VHL: variants seen among roughly 807,000 people sequenced by gnomAD.
VHL encodes von Hippel-Lindau disease tumor suppressor.
A neutral mutation model predicts 19.2 loss-of-function variants in VHL; 10 were observed. That is an observed-to-expected ratio of 0.52 (90% CI 0.32 to 0.89). The LOEUF (loss-of-function observed/expected upper bound fraction) is 0.89. VHL is among the 40% of genes least tolerant of loss of function. The probability of loss-of-function intolerance (pLI) is 0.03; values close to 1 mark genes in which losing one functional copy is unlikely to be tolerated. For missense variants in VHL, 328 were observed against 292.7 expected (o/e 1.12, Z -0.88); for synonymous variants, 167 against 129.5 (o/e 1.29, Z -1.97).
chr3:10,145,418 A>T (rs1294860742), intron 1 of VHL, among the ~76,000 whole-genome samples: 1 of 151,968 alleles, frequency 6.6e-6, no homozygotes, highest in Non-Finnish European at 1.5e-5. Context: ...CATTTTGAAA[A>T]TTCTGGGCCA....
In VHL at chr3:10,150,065, G is replaced by T. The variant is rs1696371968; in HGVS notation, c.*100G>T. ...CTGGTTCCTTCCTTAGTTTCAAAGT[G>T]TCTCATTCTCAGAGTAAAATAGGCA... On this transcript the variant is annotated 3_prime_UTR_variant, in exon 3 of 3. Transcript: ENST00000256474. 1.9e-6 allele frequency: 3 copies of T among 1,548,138 alleles called. No individual in the cohort carries two copies. Among genetic ancestry groups the T allele is most frequent in the South Asian group, 2.4e-5 (2 of 83,442 alleles).
intron 2 of VHL, among the ~76,000 whole-genome samples, chr3:10,147,013 AT>A (rs950731279): frequency 1.2e-4 from 18 of 151,886 alleles, no homozygotes; most frequent in African/African-American, 4.4e-4. Context: ...CTGACTTCTA[AT>A]TTTTTTTATT....
chr3:10,149,777 G>A lies in VHL; in HGVS notation c.464-10G>A, dbSNP rs552930903. ...GTCTGCCACTGAGGATTTGGTTTTT[G>A]CCCTTCCAGTGTATACTCTGAAAGA... On this transcript the variant is annotated splice_polypyrimidine_tract_variant and intron_variant, in intron 2 of 2. Transcript: ENST00000256474. 1.1e-4 allele frequency: 175 copies of A among 1,613,432 alleles called. No homozygotes were observed. The highest frequency in any genetic ancestry group is 1.4e-4 in the Non-Finnish European group (169 of 1,179,874).
At position 10,153,017 on chromosome 3, in the gene VHL, C is replaced by A. The variant is rs1384224425; in HGVS notation, c.*3052C>A. On this transcript the variant is annotated 3_prime_UTR_variant, in exon 3 of 3. Coordinates refer to ENST00000256474, the MANE Select transcript of VHL (RefSeq NM_000551.4). ...AATTGCCGGCCGCGGCGGCTCATGC[C>A]TGTAATCCCAGCACTTTGGGAGGCC... Among the ~76,000 whole-genome samples, 1 of 152,036 alleles carries A rather than the reference C, an allele frequency of 6.6e-6. No homozygotes were observed. The highest frequency in any genetic ancestry group is 2.4e-5 in the African/African-American group (1 of 41,436).
At position 10,150,273 on chromosome 3, in the gene VHL, G is replaced by T. The variant is rs1160914214; in HGVS notation, c.*308G>T. On this transcript the variant is annotated 3_prime_UTR_variant, in exon 3 of 3. Coordinates refer to ENST00000256474, the MANE Select transcript of VHL (RefSeq NM_000551.4). ...TAAGGAGGTTTGTATAAGTAATTCA[G>T]TGGGAATTGCAGCATATCGTTTAAT... is the stretch of plus-strand genomic sequence containing the variant. 9 of 1,292,044 alleles carry T rather than the reference G, an allele frequency of 7.0e-6. No homozygotes were observed. Among genetic ancestry groups the T allele is most frequent in the African/African-American group, 1.5e-5 (1 of 67,174 alleles). The allele number at this position is 1,292,044 out of a possible 1,614,324, so 80.0% of individuals were successfully genotyped here.
In VHL at chr3:10,142,341, C is replaced by CTTTTTTT. The variant is rs556405301; in HGVS notation, c.340+168_340+174dup. Among the ~76,000 whole-genome samples the CTTTTTTT allele has an allele frequency of 1.2e-3, 131 of 107,848 alleles. 1 individual carries two copies. Among genetic ancestry groups the CTTTTTTT allele is most frequent in the Middle Eastern group, 6.6e-3 (1 of 152 alleles). 70.8% of individuals were successfully genotyped at this position (107,848 alleles called of 152,430 possible). ...CGCTGCTCGTAAGCGTCAGAGCATT[C>CTTTTTTT]TTTTTTTTTTTTTTTTTTTTCTGAG... On this transcript the variant is annotated intron_variant, in intron 1 of 2. Coordinates refer to ENST00000256474, the MANE Select transcript of VHL (RefSeq NM_000551.4).
Position 10,153,609 on chromosome 3 carries a change from T to G in VHL, c.*3644T>G, listed in dbSNP as rs201715425. Among the ~76,000 whole-genome samples the G allele has an allele frequency of 8.7e-5, 13 of 149,660 alleles. No individual in the cohort carries two copies. The highest frequency in any genetic ancestry group is 2.3e-4 in the African/African-American group (9 of 39,764). ...TGAAGTTCCTATTTCAAGTTTTTTT[T>G]TTTTTTTTTTTTTTTAAAGCTGTTT... is the stretch of plus-strand genomic sequence containing the variant. On this transcript the variant is annotated 3_prime_UTR_variant, in exon 3 of 3. Coordinates refer to ENST00000256474, the MANE Select transcript of VHL (RefSeq NM_000551.4).
chr3:10,153,425 A>G lies in VHL; in HGVS notation c.*3460A>G, dbSNP rs1696467489. On this transcript the variant is annotated 3_prime_UTR_variant, in exon 3 of 3. Coordinates refer to ENST00000256474, the MANE Select transcript of VHL (RefSeq NM_000551.4). ...GCCTGGGCAACAAGAGTGAAATTCC[A>G]TCTCAAAAAGAAACCAAAAAAACAA... Among the ~76,000 whole-genome samples the G allele has an allele frequency of 6.7e-6, 1 of 150,276 alleles. No homozygotes were observed. Among genetic ancestry groups the G allele is most frequent in the South Asian group, 2.1e-4 (1 of 4,812 alleles).
chr3:10,145,064 C>T (rs1030875363), intron 1 of VHL, among the ~76,000 whole-genome samples: 2 of 152,068 alleles, frequency 1.3e-5, no homozygotes, highest in Admixed American at 1.3e-4. Context: ...TGGTGGCATG[C>T]GCCTGTTTAG....
At position 10,153,040 on chromosome 3, in the gene VHL, G is replaced by T. The variant is rs948755258; in HGVS notation, c.*3075G>T. On this transcript the variant is annotated 3_prime_UTR_variant, in exon 3 of 3. Coordinates refer to ENST00000256474, the MANE Select transcript of VHL (RefSeq NM_000551.4). ...GCCTGTAATCCCAGCACTTTGGGAG[G>T]CCTAGGCGGGTGGATCACGAGGTCA... 6.6e-6 allele frequency among the ~76,000 whole-genome samples: 1 copy of T among 151,960 alleles called. No homozygotes were observed. Among genetic ancestry groups the T allele is most frequent in the Non-Finnish European group, 1.5e-5 (1 of 67,980 alleles).
Position 10,142,025 on chromosome 3 carries a change from C to G in VHL, c.178C>G (p.Arg60Gly), listed in dbSNP as rs1035077469. The change falls in exon 1 of 3, where the codon CGG becomes GGG. Residue 60 changes from arginine to glycine, a missense_variant. By Grantham distance (125) the Arg-to-Gly change is moderately radical (BLOSUM62 -2). Coordinates refer to ENST00000256474, the MANE Select transcript of VHL (RefSeq NM_000551.4). ...AEEEMEAGRP[R>G]PVLRSVNSRE... ...GGAGGAGATGGAGGCCGGGCGGCCG[C>G]GGCCCGTGCTGCGCTCGGTGAACTC... 9.4e-6 allele frequency: 15 copies of G among 1,595,554 alleles called. No homozygotes were observed. The highest frequency in any genetic ancestry group is 1.3e-5 in the Non-Finnish European group (15 of 1,172,920).
At chr3:10,146,472 C>T (rs2125128134) in intron 1 of VHL, 42 bp from the exon 2 acceptor site, 1 of 1,610,990 alleles carries the variant, frequency 6.2e-7, no homozygotes. Flanking sequence ...CCGTGCCCAG[C>T]CACCGGTGTG....
chr3:10,148,169 T>G (rs1413538531), intron 2 of VHL, among the ~76,000 whole-genome samples: 1 of 151,998 alleles, frequency 6.6e-6, no homozygotes, highest in African/African-American at 2.4e-5. Flanking sequence ...TATGTGTGTA[T>G]AGATCCTGTT....
rs1343708036 is a variant in VHL, at chr3:10,151,879, C to T, written c.*1914C>T. Reference sequence around the variant, plus strand: ...CAGAACTTCAAGATGAGCCTGGGCTCATAGTGAGAACCCATCTATACAAAA... The same window carrying T: ...CAGAACTTCAAGATGAGCCTGGGCTTATAGTGAGAACCCATCTATACAAAA... On this transcript the variant is annotated 3_prime_UTR_variant, in exon 3 of 3. Coordinates refer to ENST00000256474, the MANE Select transcript of VHL (RefSeq NM_000551.4). The T allele has an allele frequency of 2.7e-5, 5 of 187,736 alleles. No homozygotes were observed. Among genetic ancestry groups the T allele is most frequent in the African/African-American group, 7.1e-5 (3 of 42,536 alleles). 11.6% of individuals were successfully genotyped at this position (187,736 alleles called of 1,614,324 possible).
chr3:10,150,740 C>T lies in VHL; in HGVS notation c.*775C>T, dbSNP rs1358699067. The T allele has an allele frequency of 8.6e-6, 2 of 233,096 alleles. No homozygotes were observed. Among genetic ancestry groups the T allele is most frequent in the East Asian group, 6.0e-5 (1 of 16,570 alleles). 14.4% of individuals were successfully genotyped at this position (233,096 alleles called of 1,614,324 possible). On this transcript the variant is annotated 3_prime_UTR_variant, in exon 3 of 3. Transcript: ENST00000256474. ...AGTTGTGATAATAGCATTTTTGTAA[C>T]TTGCCATCCGCACAGAAAATACGAG...
Position 10,146,508 on chromosome 3 carries a change from CG to C in VHL, c.341-5del, listed in dbSNP as rs2125128198. The C allele has an allele frequency of 6.2e-7, 1 of 1,613,434 alleles. No individual in the cohort carries two copies. The highest frequency in any genetic ancestry group is 1.3e-5 in the African/African-American group (1 of 75,004). On this transcript the variant is annotated splice_polypyrimidine_tract_variant and splice_region_variant and intron_variant, in intron 1 of 2. Coordinates refer to ENST00000256474, the MANE Select transcript of VHL (RefSeq NM_000551.4). ...GCTCTTTAACAACCTTTGCTTGTCCCGATAGGTCACCTTTGGCTCTTCAGAG... is the reference window on the plus strand; with the variant it reads ...GCTCTTTAACAACCTTTGCTTGTCCCATAGGTCACCTTTGGCTCTTCAGAG...
rs1017141110 is a variant in VHL, at chr3:10,141,874, C to G, written c.27C>G (p.Asp9Glu). MPRRAENW[D>E]EAEVGAEEAG... ...TGCCCCGGAGGGCGGAGAACTGGGA[C>G]GAGGCCGAGGTAGGCGCGGAGGAGG... The change falls in exon 1 of 3, where the codon GAC (aspartate) becomes GAG (glutamate). Residue 9 changes from aspartate (D) to glutamate (E), a missense_variant. Coordinates refer to ENST00000256474, the MANE Select transcript of VHL (RefSeq NM_000551.4). 6.5e-7 allele frequency: 1 copy of G among 1,533,966 alleles called. No individual in the cohort carries two copies. The highest frequency in any genetic ancestry group is 2.0e-5 in the Admixed American group (1 of 49,324).
intron 2 of VHL, among the ~76,000 whole-genome samples, chr3:10,148,641 G>T (rs1696324007): frequency 6.8e-6 from 1 of 146,752 alleles, no homozygotes; most frequent in Admixed American, 6.9e-5. Context: ...CATTGTTTTG[G>T]TTATGTGTTT....
At position 10,149,833 on chromosome 3, in the gene VHL, C is replaced by G. The variant is rs765224880; in HGVS notation, c.510C>G (p.Val170=). Residue 170 remains valine, a synonymous_variant, in exon 3 of 3, where the codon GTC becomes GTG. Coordinates refer to ENST00000256474, the MANE Select transcript of VHL (RefSeq NM_000551.4). The part of the protein sequence containing the change: ...ERCLQVVRSL[V]KPENYRRLDI... ...GCCTCCAGGTTGTCCGGAGCCTAGT[C>G]AAGCCTGAGAATTACAGGAGACTGG... is the stretch of plus-strand genomic sequence containing the variant. 1 of 1,614,154 alleles carries G rather than the reference C, an allele frequency of 6.2e-7. No individual in the cohort carries two copies. The highest frequency in any genetic ancestry group is 8.5e-7 in the Non-Finnish European group (1 of 1,180,038).
Sources: allele counts gnomAD v4.1 joint callset (sites outside exome capture counted in the v4.1 genomes callset), GRCh38; gene constraint gnomAD v4.1.1; transcripts MANE v1.5; gene names NCBI Gene and HGNC (gene_info 2026-07-23, HGNC 2026-07-21).